ZNF521: variants seen among roughly 807,000 people sequenced by gnomAD.
The protein encoded by ZNF521 is zinc finger protein 521, also known as LYST-interacting protein 3.
In ZNF521, 14 loss-of-function variants were observed where a neutral mutation model predicts 105.5. That is an observed-to-expected ratio of 0.13 (90% CI 0.09 to 0.21). The LOEUF is 0.21. ZNF521 is among the 10% of genes least tolerant of loss of function. ZNF521 has a pLI of 1.00. For synonymous variants in ZNF521, 635 were observed against 606.0 expected (o/e 1.05, Z -0.70); for missense variants, 1,233 against 1,629.7 (o/e 0.76, Z 4.19).
At chr18:25,077,873 C>A (rs938064969) in intron 7 of ZNF521, among the ~76,000 whole-genome samples, 6 of 152,000 alleles carry the variant, frequency 3.9e-5, no homozygotes, top group Non-Finnish European at 8.8e-5. Flanking sequence ...CAATTAATTT[C>A]TCACTTGAAA....
chr18:25,338,656 C>A (rs1421534693), intron 2 of ZNF521, among the ~76,000 whole-genome samples: 1 of 152,130 alleles, frequency 6.6e-6, no homozygotes, highest in Non-Finnish European at 1.5e-5. Flanking sequence ...AGGCGATCCC[C>A]CCGCCTCAGT....
chr18:25,214,571 G>A lies in ZNF521; in HGVS notation c.3573+9774C>T, dbSNP rs749321794. ...TAAGTGGTGCATTTAGTTATATCTC[G>A]AAACTTTTGAAATGTATTTATCCTT... On this transcript the variant is annotated intron_variant, in intron 4 of 7. Transcript: ENST00000361524. Among the ~76,000 whole-genome samples, 12 of 151,970 alleles carry A rather than the reference G, an allele frequency of 7.9e-5. No individual in the cohort carries two copies. The South Asian group carries it at 1.0e-3, about 13-fold the overall frequency.
intron 5 of ZNF521, among the ~76,000 whole-genome samples, chr18:25,099,806 G>A (rs2033930004): frequency 6.6e-6 from 1 of 152,192 alleles, no homozygotes; most frequent in African/African-American, 2.4e-5. Context: ...AGTAGTGGAA[G>A]TACAGGTATA....
intron 3 of ZNF521, among the ~76,000 whole-genome samples, chr18:25,246,359 T>C (rs1036684782): frequency 1.3e-5 from 2 of 152,228 alleles, no homozygotes; most frequent in African/African-American, 4.8e-5. Context: ...ATGTAGAAGG[T>C]CCCTTTGTTT....
At chr18:25,135,246 A>G (rs1184926443) in intron 5 of ZNF521, among the ~76,000 whole-genome samples, 1 of 151,378 alleles carries the variant, frequency 6.6e-6, no homozygotes, top group African/African-American at 2.4e-5. Context: ...ACCTTATTTT[A>G]TATATGTACA....
intron 5 of ZNF521, among the ~76,000 whole-genome samples, chr18:25,121,078 C>G (rs1489882448): frequency 1.3e-5 from 2 of 151,150 alleles, no homozygotes; most frequent in African/African-American, 4.8e-5. Flanking sequence ...TTTCCTTAAC[C>G]CCTAAAAAAT....
At chr18:25,099,076 C>T (rs1458083855) in intron 5 of ZNF521, among the ~76,000 whole-genome samples, 1 of 152,110 alleles carries the variant, frequency 6.6e-6, no homozygotes, top group African/African-American at 2.4e-5. Context: ...TTCACCTATT[C>T]TTGCTACAGT....
chr18:25,276,318 G>A (rs1460438181), intron 3 of ZNF521, among the ~76,000 whole-genome samples: 2 of 150,832 alleles, frequency 1.3e-5, no homozygotes, highest in African/African-American at 4.9e-5. Flanking sequence ...ATTTTATAAT[G>A]TATAAATATA....
intron 7 of ZNF521, among the ~76,000 whole-genome samples, chr18:25,082,358 G>A (rs574227630): frequency 6.6e-6 from 1 of 152,282 alleles, no homozygotes; most frequent in East Asian, 1.9e-4. Context: ...CATCCAGGAA[G>A]GGGTGGGAAT....
At chr18:25,340,107 A>T (rs1914112509) in intron 2 of ZNF521, among the ~76,000 whole-genome samples, 1 of 152,200 alleles carries the variant, frequency 6.6e-6, no homozygotes, top group Admixed American at 6.5e-5. Flanking sequence ...CTGTGATCCC[A>T]GCACTTTGGG....
chr18:25,253,255 T>C (rs1013979160), intron 3 of ZNF521, among the ~76,000 whole-genome samples: 6 of 152,198 alleles, frequency 3.9e-5, no homozygotes, highest in African/African-American at 1.4e-4. Flanking sequence ...CTACAAATTA[T>C]ACTGTTGGTC....
intron 7 of ZNF521, among the ~76,000 whole-genome samples, chr18:25,063,271 CT>C: frequency 6.6e-6 from 1 of 152,206 alleles, no homozygotes; most frequent in East Asian, 1.9e-4. Flanking sequence ...CTATCTGCCC[CT>C]GAATATGGGT....
At chr18:25,317,085 G>T (rs1453370070) in intron 3 of ZNF521, among the ~76,000 whole-genome samples, 1 of 151,938 alleles carries the variant, frequency 6.6e-6, no homozygotes, top group Non-Finnish European at 1.5e-5. Flanking sequence ...TCAAATTCCT[G>T]ACCTCAGGTG....
At chr18:25,257,115 A>T (rs1213019694) in intron 3 of ZNF521, among the ~76,000 whole-genome samples, 1 of 152,148 alleles carries the variant, frequency 6.6e-6, no homozygotes, top group Non-Finnish European at 1.5e-5. Context: ...GGGTAAATAC[A>T]CTGTACTCAT....
At chr18:25,215,723 T>C (rs960357510) in intron 4 of ZNF521, among the ~76,000 whole-genome samples, 1 of 151,912 alleles carries the variant, frequency 6.6e-6, no homozygotes. Context: ...GTACAGAAAA[T>C]CTAGGAATGG....
At chr18:25,337,989 T>C (rs1437664526) in intron 2 of ZNF521, among the ~76,000 whole-genome samples, 1 of 152,076 alleles carries the variant, frequency 6.6e-6, no homozygotes, top group Non-Finnish European at 1.5e-5. Flanking sequence ...GAGGACAACA[T>C]AGAGACCTCC....
At chr18:25,322,946 A>G (rs1295990168) in intron 2 of ZNF521, among the ~76,000 whole-genome samples, 1 of 152,222 alleles carries the variant, frequency 6.6e-6, no homozygotes, top group East Asian at 1.9e-4. Context: ...TTTTCACCCT[A>G]AAAATGATAC....
intron 3 of ZNF521, among the ~76,000 whole-genome samples, chr18:25,265,992 T>C (rs569956604): frequency 4.6e-5 from 7 of 152,122 alleles, no homozygotes; most frequent in African/African-American, 1.7e-4. Context: ...ATCAAAACAA[T>C]TGAACTCATG....
At chr18:25,348,923 T>C (rs899357663) in intron 2 of ZNF521, among the ~76,000 whole-genome samples, 7 of 152,200 alleles carry the variant, frequency 4.6e-5, no homozygotes, top group African/African-American at 1.7e-4. Context: ...AGAAATCATC[T>C]TCAGGAAGCA....
Sources: allele counts gnomAD v4.1 joint callset (sites outside exome capture counted in the v4.1 genomes callset), GRCh38; gene constraint gnomAD v4.1.1; transcripts MANE v1.5; gene names NCBI Gene and HGNC (gene_info 2026-07-23, HGNC 2026-07-21).